Variants in KANK4 observed in about 807,000 individuals in gnomAD.
KANK4 encodes KN motif and ankyrin repeat domain-containing protein 4.
A neutral mutation model predicts 80.8 loss-of-function variants in KANK4; 50 were observed. The observed-to-expected ratio is 0.62, with a 90% confidence interval of 0.49 to 0.78. The LOEUF (loss-of-function observed/expected upper bound fraction) is 0.78. Among genes scored for constraint, KANK4 ranks in the 30% least tolerant of loss-of-function variants. KANK4 has a pLI of 0.00. For missense variants in KANK4, 1,196 were observed against 1,240.1 expected, an observed-to-expected ratio of 0.96 and a Z score of 0.53; for synonymous variants, 465 against 506.9, an observed-to-expected ratio of 0.92 and a Z score of 1.11.
chr1:62,249,377 T>C (rs1322178034), intron 8 of KANK4, among the ~76,000 whole-genome samples: 2 of 142,618 alleles, frequency 1.4e-5, no homozygotes, highest in East Asian at 2.1e-4. Context: ...TATATATATA[T>C]ACATGTATTT....
At chr1:62,254,685 C>G (rs1455687722) in intron 7 of KANK4, among the ~76,000 whole-genome samples, 1 of 151,632 alleles carries the variant, frequency 6.6e-6, no homozygotes, top group Non-Finnish European at 1.5e-5. Context: ...TCCTGAGTAG[C>G]TAGGACTACA....
intron 2 of KANK4, among the ~76,000 whole-genome samples, chr1:62,279,205 C>G (rs968615508): frequency 2.8e-4 from 11 of 39,924 alleles, no homozygotes; most frequent in African/African-American, 6.8e-4. Flanking sequence ...CGCGCACACA[C>G]ACACACACAC....
Position 62,302,196 on chromosome 1 carries a change from C to T in KANK4, c.-71+16910G>A, listed in dbSNP as rs542830175. Among the ~76,000 whole-genome samples, 13 of 152,058 alleles carry T rather than the reference C, an allele frequency of 8.5e-5. No individual in the cohort carries two copies. In the South Asian group the frequency reaches 2.7e-3, roughly 32 times the overall value. On this transcript the variant is annotated intron_variant, in intron 1 of 9. Transcript: ENST00000371153. ...GATGGGCTACGCTTTGGCTGTTTTC[C>T]AGTGCAATTCAGGAGAGAAAGGGAC...
rs919711663 is a variant in KANK4 at position 62,266,592 on chromosome 1, C to T, written c.2319+140G>A. The T allele has an allele frequency of 1.8e-5, 12 of 651,092 alleles. No homozygotes were observed. In the Admixed American group the frequency reaches 3.1e-4, roughly 17 times the overall value. The allele number at this position is 651,092 out of a possible 1,614,324, so 40.3% of individuals were successfully genotyped here. A position where few individuals can be genotyped will look rare whatever the true frequency, so the allele number is the denominator to read the frequency against. ...TGCACACCCACACTACTGCCTCACA[C>T]TGTAAACTGCACACTCACACCACTG... On this transcript the variant is annotated intron_variant, in intron 6 of 9. Transcript: ENST00000371153.
intron 6 of KANK4, among the ~76,000 whole-genome samples, chr1:62,266,484 C>T (rs996757466): frequency 1.3e-5 from 2 of 151,090 alleles, no homozygotes; most frequent in Non-Finnish European, 3.0e-5. Context: ...AACATTCACA[C>T]CACTGCCTCA....
intron 1 of KANK4, among the ~76,000 whole-genome samples, chr1:62,286,115 C>A (rs976016073): frequency 1.3e-5 from 2 of 152,244 alleles, no homozygotes; most frequent in African/African-American, 4.8e-5. Context: ...AAGTGTGTGT[C>A]ATTTTCGCCT....
chr1:62,308,444 A>T (rs760912953), intron 1 of KANK4, among the ~76,000 whole-genome samples: 1 of 152,110 alleles, frequency 6.6e-6, no homozygotes, highest in Non-Finnish European at 1.5e-5. Flanking sequence ...ACTCCTGAGC[A>T]GCTGCACCCC....
At chr1:62,241,146 G>T (rs1210424508) in intron 9 of KANK4, among the ~76,000 whole-genome samples, 1 of 150,674 alleles carries the variant, frequency 6.6e-6, no homozygotes, top group Non-Finnish European at 1.5e-5. Context: ...TGTAGGAAGT[G>T]TAACACCCAG....
intron 9 of KANK4, among the ~76,000 whole-genome samples, chr1:62,246,294 G>A (rs1671464265): frequency 1.3e-5 from 2 of 152,180 alleles, no homozygotes; most frequent in Non-Finnish European, 2.9e-5. Flanking sequence ...AGGCTGGCTC[G>A]ATGGAATGGG....
At position 62,274,738 on chromosome 1, in the gene KANK4, C is replaced by T. The variant is rs199722083; in HGVS notation, c.366G>A (p.Arg122=). ...CCTTCCTGTGGTAGCTCACCTCACT[C>T]CTGCTTGTTGAGGCCTGGGGGGCAT... ...LGNAPQASTS[R]SEVSYHRKAL... Residue 122 remains arginine, a synonymous_variant, in exon 3 of 10, where the codon AGG becomes AGA. Coordinates refer to ENST00000371153, the MANE Select transcript of KANK4 (RefSeq NM_181712.5). 1.1e-5 allele frequency: 17 copies of T among 1,614,080 alleles called. No individual in the cohort carries two copies. The East Asian group carries it at 3.3e-4, about 32-fold the overall frequency.
intron 7 of KANK4, 117 bp downstream of exon 7, chr1:62,262,975 C>A: frequency 1.3e-6 from 1 of 746,232 alleles, no homozygotes; most frequent in South Asian, 1.6e-5. Context: ...GCAATTCATC[C>A]ATGTAACCAA....
intron 7 of KANK4, among the ~76,000 whole-genome samples, chr1:62,255,750 G>A (rs372022805): frequency 6.6e-6 from 1 of 152,238 alleles, no homozygotes; most frequent in African/African-American, 2.4e-5. Context: ...CTGGGCTCAA[G>A]TGATCCTCCC....
Position 62,310,988 on chromosome 1 carries a change from A to G in KANK4, c.-71+8118T>C, listed in dbSNP as rs561702544. 2.6e-5 allele frequency among the ~76,000 whole-genome samples: 4 copies of G among 152,222 alleles called. No homozygotes were observed. The South Asian group carries it at 8.3e-4, about 32-fold the overall frequency. On this transcript the variant is annotated intron_variant, in intron 1 of 9. Transcript: ENST00000371153. ...TTTTGCTTGTAATTTCTATTCTGTC[A>G]TCACTCCTGCAGACTGTATGCCTGT... is the stretch of plus-strand genomic sequence containing the variant.
At chr1:62,289,446 C>T (rs1273138277) in intron 1 of KANK4, among the ~76,000 whole-genome samples, 1 of 152,026 alleles carries the variant, frequency 6.6e-6, no homozygotes, top group Non-Finnish European at 1.5e-5. Context: ...ACTCACCCTC[C>T]CCAGAAGATT....
At chr1:62,303,529 A>G (rs1441426239) in intron 1 of KANK4, among the ~76,000 whole-genome samples, 1 of 151,936 alleles carries the variant, frequency 6.6e-6, no homozygotes, top group Non-Finnish European at 1.5e-5. Context: ...CCCATCCCAA[A>G]CTAAGTCGTC....
At chr1:62,254,048 G>A (rs1386207993) in intron 7 of KANK4, among the ~76,000 whole-genome samples, 1 of 152,164 alleles carries the variant, frequency 6.6e-6, no homozygotes, top group Non-Finnish European at 1.5e-5. Context: ...GGCTGTGTTT[G>A]TAGGTCCTTT....
At position 62,247,589 on chromosome 1, in the gene KANK4, G is replaced by A; in HGVS notation, c.2766C>T (p.Val922=). ...VQALLSCQAD[V]NLQDHDGSSA... ...AGGATCCATCGTGGTCCTGCAGATT[G>A]ACATCTGCCTGGCAGCTAAGCAGCG... The change falls in exon 9 of 10, where the codon GTC becomes GTT. Residue 922 remains valine (V), a synonymous_variant. Transcript: ENST00000371153. 1.9e-6 allele frequency: 3 copies of A among 1,613,936 alleles called. No homozygotes were observed. The South Asian group carries it at 3.3e-5, about 18-fold the overall frequency.
At chr1:62,247,329 G>A in intron 9 of KANK4, 143 bp downstream of exon 9, 1 of 533,960 alleles carries the variant, frequency 1.9e-6, no homozygotes, top group African/African-American at 3.8e-5. Flanking sequence ...TTAAGAGATG[G>A]GGGTCTCCCT....
chr1:62,311,394 C>T lies in KANK4; in HGVS notation c.-71+7712G>A, dbSNP rs1409050. Among the ~76,000 whole-genome samples the T allele has an allele frequency of 3.8e-3, 580 of 151,974 alleles. 5 individuals carry two copies. Among genetic ancestry groups the T allele is most frequent in the South Asian group, 0.035 (171 of 4,822 alleles). On this transcript the variant is annotated intron_variant, in intron 1 of 9. Coordinates refer to ENST00000371153, the MANE Select transcript of KANK4 (RefSeq NM_181712.5). The stretch of plus-strand genomic sequence containing the variant: ...CTTGGCACGGTGTCTGGCACAAGTT[C>T]GATAAAAGGTAGCAAAAAAAAACAC...
Sources: gnomAD v4.1 joint callset for allele counts (sites outside exome capture counted in the v4.1 genomes callset) on GRCh38, gnomAD v4.1.1 for gene constraint, MANE v1.5 for transcripts, NCBI Gene and HGNC (gene_info 2026-07-23, HGNC 2026-07-21) for gene names.